The following TACC2 variants were observed in gnomAD, a reference collection of about 807,000 sequenced individuals.
TACC2 encodes transforming acidic coiled-coil containing protein 2.
In TACC2, 137 loss-of-function variants were observed where a neutral mutation model predicts 227.3. The ratio of observed to expected loss-of-function variants is 0.60; its 90% CI spans 0.52 to 0.69. The LOEUF (loss-of-function observed/expected upper bound fraction) is 0.69. Ranked by LOEUF, TACC2 falls within the 30% of genes least tolerant of loss-of-function variation. The probability of loss-of-function intolerance (pLI) is 0.00; values close to 1 mark genes in which losing one functional copy is unlikely to be tolerated. For missense variants in TACC2, 3,470 were observed against 3,694.4 expected (o/e 0.94, Z 1.57); for synonymous variants, 1,523 against 1,487.5 (o/e 1.02, Z -0.55).
At chr10:122,214,022 A>G (rs1420842662) in intron 9 of TACC2, among the ~76,000 whole-genome samples, 1 of 152,156 alleles carries the variant, frequency 6.6e-6, no homozygotes, top group Non-Finnish European at 1.5e-5. Flanking sequence ...TTGTCAGTAG[A>G]AACAGAGCTG....
intron 5 of TACC2, among the ~76,000 whole-genome samples, chr10:122,103,803 A>C (rs137912627): frequency 1.3e-5 from 2 of 152,296 alleles, no homozygotes; most frequent in Non-Finnish European, 2.9e-5. Flanking sequence ...GGAGAGAGGA[A>C]GGATGGAGGA....
At chr10:122,236,742 T>A (rs1013933752) in intron 16 of TACC2, among the ~76,000 whole-genome samples, 2 of 152,202 alleles carry the variant, frequency 1.3e-5, no homozygotes, top group African/African-American at 4.8e-5. Flanking sequence ...ACCCAGTTTT[T>A]AATTTTCCCA....
intron 2 of TACC2, among the ~76,000 whole-genome samples, chr10:122,040,153 T>C (rs894532333): frequency 6.6e-6 from 1 of 152,042 alleles, no homozygotes; most frequent in African/African-American, 2.4e-5. Context: ...CACCTGATGG[T>C]TGGAAATGAA....
chr10:122,204,081 A>G (rs911553997), intron 8 of TACC2, among the ~76,000 whole-genome samples: 17 of 148,602 alleles, frequency 1.1e-4, no homozygotes, highest in South Asian at 2.1e-4. Flanking sequence ...TCAGGCAGGG[A>G]GGTTGCAGTG....
At chr10:122,022,140 TG>T (rs1957411903) in intron 2 of TACC2, 126 bp downstream of exon 2, 2 of 873,068 alleles carry the variant, frequency 2.3e-6, no homozygotes, top group East Asian at 5.2e-5. Flanking sequence ...CGTAGATGTG[TG>T]CGGGCATTTA....
Position 122,194,640 on chromosome 10 carries a change from G to A in TACC2, c.5835-400G>A, listed in dbSNP as rs567598183. 1.3e-5 allele frequency among the ~76,000 whole-genome samples: 2 copies of A among 152,346 alleles called. No individual in the cohort carries two copies. Among genetic ancestry groups the A allele is most frequent in the South Asian group, 4.1e-4 (2 of 4,824 alleles). On this transcript the variant is annotated intron_variant, in intron 7 of 22. Coordinates refer to ENST00000369005, the MANE Select transcript of TACC2 (RefSeq NM_206862.4). The surrounding 1 kb of genome is among the most constrained non-coding windows in gnomAD (Gnocchi z 4.4). ...TGAGAGGCGCTGAGAAGGCAGGACAGTAGAGAGGATGATGGGGTGGGATCA... is the reference window on the plus strand; with the variant it reads ...TGAGAGGCGCTGAGAAGGCAGGACAATAGAGAGGATGATGGGGTGGGATCA...
intron 7 of TACC2, among the ~76,000 whole-genome samples, chr10:122,171,310 C>A (rs1243316718): frequency 1.3e-5 from 2 of 150,790 alleles, no homozygotes; most frequent in Non-Finnish European, 2.9e-5. Flanking sequence ...AAACAGAAGC[C>A]TTGGGCTCTG....
intron 5 of TACC2, among the ~76,000 whole-genome samples, chr10:122,126,374 A>G (rs2421000): frequency 0.61 from 90,939 of 149,578 alleles, 32,103 homozygotes; most frequent in Non-Finnish European, 0.77. Context: ...CCCAGATTTG[A>G]CAGTGGCAGC....
chr10:122,069,696 G>A (rs991081199), intron 3 of TACC2, among the ~76,000 whole-genome samples: 8 of 152,110 alleles, frequency 5.3e-5, no homozygotes, highest in African/African-American at 9.7e-5. Flanking sequence ...AAAAGCCACC[G>A]TATCAAGTTG....
chr10:121,995,048 T>A (rs988238039), intron 1 of TACC2, among the ~76,000 whole-genome samples: 3 of 152,218 alleles, frequency 2.0e-5, no homozygotes, highest in Non-Finnish European at 4.4e-5. Flanking sequence ...TTCAAATGTT[T>A]GTGATTCTGC....
intron 1 of TACC2, among the ~76,000 whole-genome samples, chr10:122,019,086 C>T (rs1289797180): frequency 6.6e-6 from 1 of 152,202 alleles, no homozygotes; most frequent in Non-Finnish European, 1.5e-5. Context: ...GGAGGAACTG[C>T]GGACAGCCGG....
At position 122,133,094 on chromosome 10, in the gene TACC2, G is replaced by A. The variant is rs572642497; in HGVS notation, c.5699+360G>A. Among the ~76,000 whole-genome samples the A allele has an allele frequency of 1.1e-4, 17 of 152,272 alleles. No individual in the cohort carries two copies. In the East Asian group the frequency reaches 3.3e-3, roughly 29 times the overall value. ...TGCTACTTCTCCTTTTTCAGGGAAC[G>A]GTTGAGTTAGCTGCCTTCTGATCTC... On this transcript the variant is annotated intron_variant, in intron 6 of 22. Coordinates refer to ENST00000369005, the MANE Select transcript of TACC2 (RefSeq NM_206862.4).
chr10:122,184,620 G>A (rs895789841), intron 7 of TACC2, among the ~76,000 whole-genome samples: 2 of 152,168 alleles, frequency 1.3e-5, no homozygotes, highest in African/African-American at 2.4e-5. Flanking sequence ...GCTGGTACCC[G>A]TGTTTAAATA....
intron 11 of TACC2, among the ~76,000 whole-genome samples, chr10:122,218,315 C>G (rs976772320): frequency 2.6e-5 from 4 of 152,192 alleles, no homozygotes; most frequent in East Asian, 3.9e-4. Flanking sequence ...CTGGTCTCCA[C>G]TTTTTGCTGC....
At chr10:122,089,144 C>T (rs546375548) in intron 5 of TACC2, among the ~76,000 whole-genome samples, 1 of 152,222 alleles carries the variant, frequency 6.6e-6, no homozygotes, top group African/African-American at 2.4e-5. Flanking sequence ...TATTGAGATG[C>T]AATTCATATA....
chr10:122,112,780 C>G (rs1057152351), intron 5 of TACC2, among the ~76,000 whole-genome samples: 1 of 152,240 alleles, frequency 6.6e-6, no homozygotes, highest in African/African-American at 2.4e-5. Context: ...TGCAGCGCCT[C>G]CAGGAGCAGC....
intron 2 of TACC2, among the ~76,000 whole-genome samples, chr10:122,027,087 G>A (rs1246774450): frequency 6.6e-6 from 1 of 152,162 alleles, no homozygotes; most frequent in Non-Finnish European, 1.5e-5. Flanking sequence ...AGCTGTGAAT[G>A]GGAGTTCCTG....
chr10:122,237,911 T>G, intron 17 of TACC2, 50 bp from the exon 18 acceptor site: 5 of 1,390,388 alleles, frequency 3.6e-6, no homozygotes, highest in African/African-American at 1.4e-5. Flanking sequence ...TGCTCAGAGC[T>G]GAATTCACTC....
chr10:122,034,567 C>T (rs1162533998), intron 2 of TACC2, among the ~76,000 whole-genome samples: 1 of 152,162 alleles, frequency 6.6e-6, no homozygotes, highest in Non-Finnish European at 1.5e-5. Flanking sequence ...GAATCCAGTT[C>T]CCTGCACCCT....
Sources: gnomAD v4.1 joint callset for allele counts (sites outside exome capture counted in the v4.1 genomes callset) on GRCh38, gnomAD v4.1.1 for gene constraint, Gnocchi (gnomAD v3.1) non-coding constraint, MANE v1.5 for transcripts, NCBI Gene and HGNC (gene_info 2026-07-23, HGNC 2026-07-21) for gene names.